Variants in SDHC observed in about 807,000 individuals in gnomAD.
The protein encoded by SDHC is succinate dehydrogenase complex subunit C, also known as succinate dehydrogenase cytochrome b560 subunit, mitochondrial.
SDHC carries 11 observed loss-of-function variants against 22.6 expected under a neutral mutation model. That is an observed-to-expected ratio of 0.49 (90% CI 0.31 to 0.81). The LOEUF is 0.81. Ranked by LOEUF, SDHC falls within the 30% of genes least tolerant of loss-of-function variation. The pLI is 0.05. For missense variants in SDHC, 160 were observed against 212.0 expected, an observed-to-expected ratio of 0.75 and a Z score of 1.52; for synonymous variants, 80 against 77.8, an observed-to-expected ratio of 1.03 and a Z score of -0.15.
rs137897707 is a variant in SDHC at position 161,355,785 on chromosome 1, A to G, written c.242-892A>G. ...AATCACTTGAGGCCAGGAGTTTGAG[A>G]CCAGCCTGGCCAACATGGCAAAACC... On this transcript the variant is annotated intron_variant, in intron 4 of 5. Transcript: ENST00000367975. Among the ~76,000 whole-genome samples, 821 of 152,122 alleles carry G rather than the reference A, an allele frequency of 5.4e-3. 1 individual carries two copies. Among genetic ancestry groups the G allele is most frequent in the Non-Finnish European group, 8.6e-3 (585 of 67,996 alleles).
intron 3 of SDHC, among the ~76,000 whole-genome samples, chr1:161,333,188 C>T (rs963222289): frequency 6.6e-6 from 1 of 152,012 alleles, no homozygotes; most frequent in African/African-American, 2.4e-5. Flanking sequence ...TTTTTATGGC[C>T]GAATAATATT....
At chr1:161,362,242 C>A in intron 5 of SDHC, 87 bp from the exon 6 acceptor site, 1 of 1,455,976 alleles carries the variant, frequency 6.9e-7, no homozygotes, top group Non-Finnish European at 9.4e-7. Context: ...GATATCTATT[C>A]CTTTAGGTAG....
chr1:161,362,476 T>G lies in SDHC; in HGVS notation c.*43T>G. On this transcript the variant is annotated 3_prime_UTR_variant, in exon 6 of 6. Coordinates refer to ENST00000367975, the MANE Select transcript of SDHC (RefSeq NM_003001.5). ...CATCATCTTCCTACACATTATTACATTCACCCATCTTTCTGTTTGTCATTC... is the reference window on the plus strand; with the variant it reads ...CATCATCTTCCTACACATTATTACAGTCACCCATCTTTCTGTTTGTCATTC... 1 of 1,612,110 alleles carries G rather than the reference T, an allele frequency of 6.2e-7. No individual in the cohort carries two copies. The highest frequency in any genetic ancestry group is 8.5e-7 in the Non-Finnish European group (1 of 1,179,384).
intron 3 of SDHC, among the ~76,000 whole-genome samples, chr1:161,334,336 C>G (rs895007257): frequency 6.6e-6 from 1 of 150,832 alleles, no homozygotes. Context: ...TTTCTTTTTT[C>G]TCATTTCTCT....
chr1:161,316,076 G>A (rs1670600391), intron 1 of SDHC, among the ~76,000 whole-genome samples: 2 of 152,178 alleles, frequency 1.3e-5, no homozygotes, highest in South Asian at 2.1e-4. Flanking sequence ...CCCTAAGGCG[G>A]TTTTCCCCTA....
chr1:161,336,916 C>G (rs968246468), intron 3 of SDHC, among the ~76,000 whole-genome samples: 1 of 151,990 alleles, frequency 6.6e-6, no homozygotes, highest in East Asian at 1.9e-4. Flanking sequence ...GTTACTCAGG[C>G]TGGAGTGCAG....
intron 4 of SDHC, among the ~76,000 whole-genome samples, chr1:161,348,069 T>A (rs143542714): frequency 6.6e-6 from 1 of 152,294 alleles, no homozygotes; most frequent in African/African-American, 2.4e-5. Context: ...TATAGAGATT[T>A]TATGGCTAAT....
chr1:161,317,893 G>A (rs1670686443), intron 1 of SDHC, among the ~76,000 whole-genome samples: 1 of 151,952 alleles, frequency 6.6e-6, no homozygotes, highest in Non-Finnish European at 1.5e-5. Flanking sequence ...AACAATTGTG[G>A]CTGGGCATGG....
At chr1:161,356,961 C>T (rs1412964093) in intron 5 of SDHC, 121 bp downstream of exon 5, 96 of 1,026,624 alleles carry the variant, frequency 9.4e-5, no homozygotes, top group Non-Finnish European at 8.3e-5. Flanking sequence ...AGTGGAGTCT[C>T]GCTCTATTGC....
intron 5 of SDHC, among the ~76,000 whole-genome samples, chr1:161,358,314 G>A (rs945068417): frequency 1.3e-5 from 2 of 149,086 alleles, no homozygotes; most frequent in African/African-American, 5.0e-5. Flanking sequence ...GTATTTTTTA[G>A]TAGAGATGGG....
chr1:161,343,872 AT>A (rs1195663446), intron 4 of SDHC, among the ~76,000 whole-genome samples: 3 of 152,328 alleles, frequency 2.0e-5, no homozygotes, highest in Non-Finnish European at 4.4e-5. Context: ...TGATAAAAAA[AT>A]ATTCATTTGT....
intron 3 of SDHC, among the ~76,000 whole-genome samples, chr1:161,332,882 C>T (rs1019887315): frequency 1.3e-5 from 2 of 152,186 alleles, no homozygotes; most frequent in Non-Finnish European, 2.9e-5. Flanking sequence ...ATCTGCCTGC[C>T]TTGGCCTCCC....
At chr1:161,326,629 T>G (rs1671064716) in intron 2 of SDHC, 1 of 148,490 alleles carries the variant, frequency 6.7e-6, no homozygotes, top group African/African-American at 2.5e-5. Flanking sequence ...TAATTTTTTT[T>G]TTTTCTTTTT....
intron 2 of SDHC, chr1:161,326,531 T>C (rs1671056012): frequency 7.1e-6 from 1 of 140,718 alleles, no homozygotes; most frequent in African/African-American, 2.8e-5. Context: ...TTTCTTTTTT[T>C]CTTCTCTCTT....
At chr1:161,325,668 G>C (rs549621011) in intron 2 of SDHC, among the ~76,000 whole-genome samples, 1 of 152,264 alleles carries the variant, frequency 6.6e-6, no homozygotes, top group South Asian at 2.1e-4. Context: ...ACCTAGCCCA[G>C]TGACAAAGGA....
intron 4 of SDHC, among the ~76,000 whole-genome samples, chr1:161,341,768 T>G (rs993095362): frequency 2.6e-5 from 4 of 152,236 alleles, no homozygotes; most frequent in Non-Finnish European, 4.4e-5. Context: ...CCTGGATACA[T>G]GCTCTTAAAG....
intron 2 of SDHC, chr1:161,326,733 A>C (rs112114322): frequency 0.12 from 17,701 of 149,984 alleles, 1,413 homozygotes; most frequent in African/African-American, 0.22. Context: ...TCAAGTGATT[A>C]TCCTGCCTCA....
At chr1:161,326,389 C>T (rs1671049627) in intron 2 of SDHC, among the ~76,000 whole-genome samples, 1 of 151,844 alleles carries the variant, frequency 6.6e-6, no homozygotes, top group Admixed American at 6.6e-5. Context: ...AGAGAGGGCT[C>T]TTGGATCTCA....
At chr1:161,328,631 C>T (rs1671163040) in intron 3 of SDHC, 134 bp downstream of exon 3, 1 of 706,226 alleles carries the variant, frequency 1.4e-6, no homozygotes, top group African/African-American at 1.8e-5. Context: ...GTGAACCCTT[C>T]AGGGTAGAGG....
Sources: allele counts gnomAD v4.1 joint callset (sites outside exome capture counted in the v4.1 genomes callset), GRCh38; gene constraint gnomAD v4.1.1; transcripts MANE v1.5; gene names NCBI Gene and HGNC (gene_info 2026-07-23, HGNC 2026-07-21).